The following NDUFA10 variants were observed in gnomAD, a reference collection of about 807,000 sequenced individuals.
NDUFA10 encodes NADH dehydrogenase [ubiquinone] 1 alpha subcomplex subunit 10, mitochondrial.
A neutral mutation model predicts 47.8 loss-of-function variants in NDUFA10; 40 were observed. That is an observed-to-expected ratio of 0.84 (90% CI 0.65 to 1.09). NDUFA10 has a LOEUF of 1.09. NDUFA10 is among the 50% of genes least tolerant of loss of function. The pLI is 0.00. For missense variants in NDUFA10, 413 were observed against 451.1 expected (o/e 0.92, Z 0.76); for synonymous variants, 183 against 172.2 (o/e 1.06, Z -0.49).
At chr2:239,985,355 T>G (rs1695957006) in intron 9 of NDUFA10, among the ~76,000 whole-genome samples, 1 of 151,366 alleles carries the variant, frequency 6.6e-6, no homozygotes, top group Non-Finnish European at 1.5e-5. Context: ...CAAACCAGGA[T>G]GAAAATTCAA....
rs965672666 is a variant in NDUFA10 at position 239,928,527 on chromosome 2, T to C, written c.295-33213A>G. On this transcript the variant is annotated intron_variant, in intron 4 of 5. Transcript: ENST00000419408. This position sits in a 1 kb window ranked among gnomAD's most constrained non-coding sequence, Gnocchi z 4.3. ...TCGGCCCTGGCCCACCGCGAGCCGC[T>C]GCTGGGTTTAATGCAGTTCCTGTCT... is the stretch of plus-strand genomic sequence containing the variant. Among the ~76,000 whole-genome samples the C allele has an allele frequency of 5.9e-5, 9 of 152,160 alleles. No homozygotes were observed. The highest frequency in any genetic ancestry group is 8.8e-5 in the Non-Finnish European group (6 of 68,040).
At chr2:239,991,682 T>A (rs1303118593) in intron 8 of NDUFA10, among the ~76,000 whole-genome samples, 2 of 152,208 alleles carry the variant, frequency 1.3e-5, no homozygotes, top group African/African-American at 4.8e-5. Flanking sequence ...CAAGTACGTA[T>A]CTTCTTACTG....
At chr2:240,021,148 G>T in intron 3 of NDUFA10, 49 bp downstream of exon 3, 2 of 1,515,122 alleles carry the variant, frequency 1.3e-6, no homozygotes, top group Non-Finnish European at 1.8e-6. Flanking sequence ...TTGAATTCTA[G>T]AATAGTGTTC....
intron 4 of NDUFA10, among the ~76,000 whole-genome samples, chr2:239,933,129 G>A (rs1465739880): frequency 1.3e-5 from 2 of 152,144 alleles, no homozygotes; most frequent in Non-Finnish European, 2.9e-5. Context: ...ACATCGGAGT[G>A]AGGGATAGGA....
chr2:239,952,253 T>G (rs1309309356), intron 4 of NDUFA10, among the ~76,000 whole-genome samples: 4 of 26,094 alleles, frequency 1.5e-4, no homozygotes, highest in Non-Finnish European at 2.1e-4. Flanking sequence ...GGGAGGGGGC[T>G]GGCAGGGTGG....
intron 4 of NDUFA10, among the ~76,000 whole-genome samples, chr2:239,925,407 A>C (rs1188890026): frequency 6.6e-6 from 1 of 152,230 alleles, no homozygotes; most frequent in Non-Finnish European, 1.5e-5. Context: ...AAAGGTGCAA[A>C]AGCAATTCAA....
chr2:240,004,345 T>C (rs1454979876), intron 8 of NDUFA10, among the ~76,000 whole-genome samples: 1 of 152,128 alleles, frequency 6.6e-6, no homozygotes, highest in Non-Finnish European at 1.5e-5. Context: ...CGGTATGGTT[T>C]TTGTTTTTCA....
rs1002192715 is a variant in NDUFA10, at chr2:239,906,059, C to G, written c.295-10745G>C. Among the ~76,000 whole-genome samples, 1 of 152,136 alleles carries G rather than the reference C, an allele frequency of 6.6e-6. No homozygotes were observed. The highest frequency in any genetic ancestry group is 1.5e-5 in the Non-Finnish European group (1 of 68,012). ...TTCCTGGAGCCCTGAGGGGTGATAC[C>G]TCCAAGGTGCTCAGGGGACCTTGAA... is the stretch of plus-strand genomic sequence containing the variant. On this transcript the variant is annotated intron_variant, in intron 4 of 5. Coordinates refer to the NDUFA10 transcript ENST00000419408. The surrounding 1 kb of genome is among the most constrained non-coding windows in gnomAD (Gnocchi z 4.3).
intron 4 of NDUFA10, among the ~76,000 whole-genome samples, chr2:239,907,118 A>G (rs529170568): frequency 6.6e-6 from 1 of 152,318 alleles, no homozygotes; most frequent in Admixed American, 6.5e-5. Context: ...ATCTACAACC[A>G]TCCGATCTGT....
chr2:239,992,861 C>A (rs181457072), intron 8 of NDUFA10, among the ~76,000 whole-genome samples: 80 of 152,244 alleles, frequency 5.3e-4, no homozygotes, highest in African/African-American at 1.5e-3. Flanking sequence ...ATGTTCTAAA[C>A]CAATAATTTG....
At chr2:239,903,628 G>C (rs1693593806) in intron 4 of NDUFA10, among the ~76,000 whole-genome samples, 1 of 152,246 alleles carries the variant, frequency 6.6e-6, no homozygotes, top group South Asian at 2.1e-4. Context: ...ATAAGGAAAA[G>C]AATGTCAATT....
chr2:239,919,861 C>G (rs755331550), intron 4 of NDUFA10, among the ~76,000 whole-genome samples: 1 of 152,224 alleles, frequency 6.6e-6, no homozygotes, highest in Non-Finnish European at 1.5e-5. Context: ...ACGGCCCCTA[C>G]GGAAGGAGGG....
In NDUFA10 at chr2:240,005,069, T is replaced by C. The variant is rs1052372332; in HGVS notation, c.890+141A>G. On this transcript the variant is annotated intron_variant, in intron 8 of 9. Coordinates refer to ENST00000252711, the MANE Select transcript of NDUFA10 (RefSeq NM_004544.4). ...TCAGACCAGGGGATTCAGGAGCTGT[T>C]TGGAAGAAAAAATACCTCTAAGTAT... The C allele has an allele frequency of 2.9e-5, 22 of 759,636 alleles. No individual in the cohort carries two copies. In the Admixed American group the frequency reaches 4.0e-4, roughly 14 times the overall value. The allele number at this position is 759,636 out of a possible 1,614,324, so 47.1% of individuals were successfully genotyped here. A position where few individuals can be genotyped will look rare whatever the true frequency, so the allele number is the denominator to read the frequency against.
intron 4 of NDUFA10, among the ~76,000 whole-genome samples, chr2:239,905,685 C>G (rs1447774146): frequency 6.6e-6 from 1 of 152,118 alleles, no homozygotes; most frequent in African/African-American, 2.4e-5. Context: ...GGACACAAGC[C>G]CCATCAGAGG....
chr2:239,996,333 C>G (rs189002948), intron 8 of NDUFA10, among the ~76,000 whole-genome samples: 1 of 152,200 alleles, frequency 6.6e-6, no homozygotes, highest in African/African-American at 2.4e-5. Flanking sequence ...AAATCATACA[C>G]AGTGTATTCT....
intron 9 of NDUFA10, among the ~76,000 whole-genome samples, chr2:239,979,166 T>A (rs1325265933): frequency 6.6e-6 from 1 of 152,220 alleles, no homozygotes; most frequent in Non-Finnish European, 1.5e-5. Flanking sequence ...AAAAGATCCA[T>A]GAGGAAGTAT....
At chr2:240,011,851 A>C in intron 5 of NDUFA10, 155 bp from the exon 6 acceptor site, 1 of 696,874 alleles carries the variant, frequency 1.4e-6, no homozygotes, top group Non-Finnish European at 2.6e-6. Flanking sequence ...AAAGGGTCCC[A>C]ACATCAGCTA....
At chr2:239,969,225 T>C (rs888387161) in intron 9 of NDUFA10, among the ~76,000 whole-genome samples, 1 of 152,146 alleles carries the variant, frequency 6.6e-6, no homozygotes, top group Non-Finnish European at 1.5e-5. Context: ...ACAGCTGTTA[T>C]AAAAATGTTC....
intron 4 of NDUFA10, among the ~76,000 whole-genome samples, chr2:239,934,771 T>G (rs552921827): frequency 1.8e-4 from 27 of 152,304 alleles, no homozygotes; most frequent in African/African-American, 6.5e-4. Context: ...CCGTGCAGCA[T>G]CAATCACTTC....
Sources: allele counts gnomAD v4.1 joint callset (sites outside exome capture counted in the v4.1 genomes callset), GRCh38; gene constraint gnomAD v4.1.1; non-coding constraint Gnocchi (gnomAD v3.1); transcripts MANE v1.5; gene names NCBI Gene and HGNC (gene_info 2026-07-23, HGNC 2026-07-21).